SDK1: variants seen among roughly 807,000 people sequenced by gnomAD.
The protein encoded by SDK1 is sidekick cell adhesion molecule 1, also known as protein sidekick-1.
In SDK1, 157 loss-of-function variants were observed where a neutral mutation model predicts 245.5. The ratio of observed to expected loss-of-function variants is 0.64; its 90% confidence interval spans 0.56 to 0.73. The LOEUF (loss-of-function observed/expected upper bound fraction) is 0.73. Among genes scored for constraint, SDK1 ranks in the 30% least tolerant of loss-of-function variants. SDK1 has a pLI of 0.00. For synonymous variants in SDK1, 1,647 were observed against 1,278.5 expected, an observed-to-expected ratio of 1.29 and a Z score of -6.15; for missense variants, 3,583 against 3,002.3, an observed-to-expected ratio of 1.19 and a Z score of -4.52.
chr7:4,204,307 G>C (rs1259348886), intron 35 of SDK1, among the ~76,000 whole-genome samples: 1 of 152,134 alleles, frequency 6.6e-6, no homozygotes, highest in Non-Finnish European at 1.5e-5. Context: ...GTTTTTTTGT[G>C]TGATTCTGCT....
At chr7:3,458,048 A>G (rs971068368) in intron 1 of SDK1, among the ~76,000 whole-genome samples, 2 of 152,194 alleles carry the variant, frequency 1.3e-5, no homozygotes, top group Non-Finnish European at 2.9e-5. Context: ...TCTCTTGACA[A>G]TGGAAGTGAC....
intron 5 of SDK1, among the ~76,000 whole-genome samples, chr7:3,823,737 C>T (rs1779702218): frequency 6.6e-6 from 1 of 152,092 alleles, no homozygotes; most frequent in Non-Finnish European, 1.5e-5. Context: ...AGATACAAGG[C>T]AGTTGATGAT....
At chr7:4,107,560 A>G (rs1055053780) in intron 22 of SDK1, among the ~76,000 whole-genome samples, 2 of 151,642 alleles carry the variant, frequency 1.3e-5, no homozygotes, top group Admixed American at 1.3e-4. Flanking sequence ...CACCCAGAGG[A>G]CTGGTTTCAC....
intron 1 of SDK1, among the ~76,000 whole-genome samples, chr7:3,353,764 C>T (rs945012148): frequency 1.3e-5 from 2 of 152,032 alleles, no homozygotes; most frequent in African/African-American, 4.8e-5. Context: ...CTTCCTTTTG[C>T]TGGTGAAGGA....
At chr7:3,340,580 G>A (rs1236382296) in intron 1 of SDK1, among the ~76,000 whole-genome samples, 6 of 152,064 alleles carry the variant, frequency 3.9e-5, no homozygotes, top group Non-Finnish European at 7.4e-5. Context: ...GGCTAACACG[G>A]TGAAACCCCG....
At chr7:3,457,524 C>G (rs1213172343) in intron 1 of SDK1, among the ~76,000 whole-genome samples, 1 of 152,084 alleles carries the variant, frequency 6.6e-6, no homozygotes, top group African/African-American at 2.4e-5. Context: ...CATAGCTGAC[C>G]CATACAGCAT....
chr7:4,226,426 C>T (rs1054181942), intron 40 of SDK1, among the ~76,000 whole-genome samples: 6 of 152,252 alleles, frequency 3.9e-5, no homozygotes, highest in African/African-American at 1.4e-4. Context: ...CTGGGCAGCC[C>T]GGGCAGATGG....
chr7:3,758,602 G>A (rs1780004503), intron 4 of SDK1, among the ~76,000 whole-genome samples: 1 of 152,140 alleles, frequency 6.6e-6, no homozygotes, highest in Admixed American at 6.5e-5. Context: ...CACTGTGTTT[G>A]TTTGACGTGC....
intron 10 of SDK1, among the ~76,000 whole-genome samples, chr7:3,968,249 G>T (rs1021418663): frequency 6.6e-6 from 1 of 152,232 alleles, no homozygotes; most frequent in African/African-American, 2.4e-5. Context: ...TGTGGGTTCA[G>T]TTCCTGGGAA....
At chr7:4,207,262 G>A (rs1198675917) in intron 36 of SDK1, among the ~76,000 whole-genome samples, 3 of 152,216 alleles carry the variant, frequency 2.0e-5, no homozygotes, top group Non-Finnish European at 4.4e-5. Context: ...ACATGGGCAA[G>A]CCGCTCTAAC....
chr7:3,548,429 G>T (rs937735885), intron 1 of SDK1, among the ~76,000 whole-genome samples: 6 of 152,156 alleles, frequency 3.9e-5, no homozygotes, highest in Non-Finnish European at 7.3e-5. Context: ...CATTTTAAAT[G>T]TTAATAGATA....
At chr7:3,417,493 A>G (rs571790862) in intron 1 of SDK1, among the ~76,000 whole-genome samples, 1 of 152,012 alleles carries the variant, frequency 6.6e-6, no homozygotes, top group Admixed American at 6.6e-5. Context: ...GTCAAGTTCT[A>G]ACTCTTCAAG....
At chr7:3,897,866 A>G (rs1232631627) in intron 5 of SDK1, among the ~76,000 whole-genome samples, 1 of 151,190 alleles carries the variant, frequency 6.6e-6, no homozygotes, top group Non-Finnish European at 1.5e-5. Context: ...CTTTTCTTAA[A>G]TTTCCCTTTT....
chr7:3,822,533 G>A (rs886943804), intron 5 of SDK1, among the ~76,000 whole-genome samples: 1 of 152,130 alleles, frequency 6.6e-6, no homozygotes, highest in Non-Finnish European at 1.5e-5. Context: ...AATTTGGGAG[G>A]CCAAGGCAGG....
intron 4 of SDK1, among the ~76,000 whole-genome samples, chr7:3,772,165 A>T (rs566408086): frequency 3.3e-5 from 5 of 151,902 alleles, no homozygotes; most frequent in African/African-American, 1.2e-4. Flanking sequence ...TATATGTCTT[A>T]TCACTTTTTT....
intron 1 of SDK1, among the ~76,000 whole-genome samples, chr7:3,306,424 A>G (rs907499180): frequency 2.7e-5 from 4 of 150,706 alleles, no homozygotes; most frequent in Non-Finnish European, 6.0e-5. Flanking sequence ...TGCACCAACT[A>G]TTTATTTGAG....
chr7:3,978,075 T>G (rs1274976676), intron 13 of SDK1, among the ~76,000 whole-genome samples: 2 of 151,990 alleles, frequency 1.3e-5, no homozygotes, highest in Admixed American at 6.6e-5. Flanking sequence ...TCCTTTCGGG[T>G]CTCAGACAGA....
chr7:4,226,520 T>C (rs1255248202), intron 40 of SDK1, among the ~76,000 whole-genome samples: 2 of 152,172 alleles, frequency 1.3e-5, no homozygotes, highest in South Asian at 2.1e-4. Context: ...GCTGTGGCCA[T>C]GTGGAGACGC....
intron 5 of SDK1, among the ~76,000 whole-genome samples, chr7:3,923,276 CTT>C (rs202019269): frequency 2.0e-5 from 3 of 148,710 alleles, no homozygotes; most frequent in African/African-American, 7.4e-5. Flanking sequence ...TTATTATGGA[CTT>C]TTTTTTTTAT....
Sources: gnomAD v4.1 joint callset for allele counts (sites outside exome capture counted in the v4.1 genomes callset) on GRCh38, gnomAD v4.1.1 for gene constraint, MANE v1.5 for transcripts, NCBI Gene and HGNC (gene_info 2026-07-23, HGNC 2026-07-21) for gene names.